RPS25: variants seen among roughly 807,000 people sequenced by gnomAD.
RPS25 encodes the protein ribosomal protein S25, also known as small ribosomal subunit protein eS25.
In RPS25, 1 loss-of-function variant was observed where a neutral mutation model predicts 14.4. That is an observed-to-expected ratio of 0.07 (90% CI 0.02 to 0.33). The LOEUF (loss-of-function observed/expected upper bound fraction) is 0.33, where lower values mean the gene tolerates loss of function less well. Ranked by LOEUF, RPS25 falls within the 10% of genes least tolerant of loss-of-function variation. The pLI, the probability that RPS25 is intolerant of heterozygous loss-of-function variation, is 1.00. For synonymous variants in RPS25, 63 were observed against 53.8 expected, an observed-to-expected ratio of 1.17 and a Z score of -0.75; for missense variants, 65 against 144.6, an observed-to-expected ratio of 0.45 and a Z score of 2.82.
chr11:119,018,036 C>T lies in RPS25; in HGVS notation c.21G>A (p.Lys7=), dbSNP rs782583401. The change falls in exon 2 of 5, where the codon AAG becomes AAA. Residue 7 remains lysine (K), a synonymous_variant. Transcript: ENST00000527673. ...CCGACTTTCCAGCGTCCTTCTTCTTCTTGTCGTCCTTAGGCGGCTGTAGGA... is the reference window on the plus strand; with the variant it reads ...CCGACTTTCCAGCGTCCTTCTTCTTTTTGTCGTCCTTAGGCGGCTGTAGGA... The part of the protein sequence containing the change: MPPKDD[K]KKKDAGKSAK... 2.5e-6 allele frequency: 4 copies of T among 1,612,330 alleles called. No individual in the cohort carries two copies. The highest frequency in any genetic ancestry group is 3.3e-5 in the Admixed American group (2 of 60,022).
At position 119,015,724 on chromosome 11, in the gene RPS25, A is replaced by C; in HGVS notation, c.*39T>G. 1 of 1,295,666 alleles carries C rather than the reference A, an allele frequency of 7.7e-7. No homozygotes were observed. Among genetic ancestry groups the C allele is most frequent in the Non-Finnish European group, 1.1e-6 (1 of 912,084 alleles). The allele number at this position is 1,295,666 out of a possible 1,614,324, so 80.3% of individuals were successfully genotyped here. ...ACATACTCATTCATTTGATTTAATA[A>C]AGTTTTATTTTTCCAAATGTACAGC... On this transcript the variant is annotated 3_prime_UTR_variant, in exon 5 of 5. Coordinates refer to ENST00000527673, the MANE Select transcript of RPS25 (RefSeq NM_001028.3).
In RPS25 at chr11:119,018,272, T is replaced by C; in HGVS notation, c.3+10A>G. On this transcript the variant is annotated intron_variant, in intron 1 of 4. Transcript: ENST00000527673. ...AAGAACGCCGGCGACTTCACACCCC[T>C]GAAGCTTACCATTGCGAAGCTCGGA... 2 of 1,614,046 alleles carry C rather than the reference T, an allele frequency of 1.2e-6. No homozygotes were observed. Among genetic ancestry groups the C allele is most frequent in the Non-Finnish European group, 1.7e-6 (2 of 1,179,962 alleles).
chr11:119,018,195 C>A lies in RPS25; in HGVS notation c.3+87G>T, dbSNP rs1943213158. 2.5e-6 allele frequency: 4 copies of A among 1,602,186 alleles called. No homozygotes were observed. In the East Asian group the frequency reaches 6.7e-5, roughly 27 times the overall value. On this transcript the variant is annotated intron_variant, in intron 1 of 4. Coordinates refer to ENST00000527673, the MANE Select transcript of RPS25 (RefSeq NM_001028.3). ...GCGCCCGCCCTGCAACCGAGGCCGG[C>A]AGGCCAAGGAGCGCTCCCGCCGAAG...
At chr11:119,016,868 C>T (rs927451227) in intron 3 of RPS25, among the ~76,000 whole-genome samples, 1 of 151,864 alleles carries the variant, frequency 6.6e-6, no homozygotes. Flanking sequence ...TTGATTCACC[C>T]GCCTTGGCCT....
At chr11:119,017,570 C>T (rs781878480) in intron 2 of RPS25, 25 bp from the exon 3 acceptor site, 1 of 1,600,866 alleles carries the variant, frequency 6.2e-7, no homozygotes, top group Admixed American at 1.7e-5. Context: ...AAAACAGAAA[C>T]AAGTTAGTAT....
intron 3 of RPS25, among the ~76,000 whole-genome samples, chr11:119,016,639 C>G (rs545655106): frequency 3.3e-5 from 5 of 151,330 alleles, no homozygotes; most frequent in Admixed American, 6.6e-5. Context: ...CTTCCACCCC[C>G]CCCCCCTTTC....
intron 3 of RPS25, 107 bp from the exon 4 acceptor site, chr11:119,016,046 G>A: frequency 1.5e-6 from 1 of 684,660 alleles, no homozygotes; most frequent in Middle Eastern, 2.5e-4. Flanking sequence ...CCACTGCTTT[G>A]GGAGGTGGAG....
chr11:119,017,745 T>C (rs990755312), intron 2 of RPS25, 200 bp from the exon 3 acceptor site: 2 of 669,250 alleles, frequency 3.0e-6, no homozygotes, highest in African/African-American at 3.7e-5. Context: ...CAGTTAAAAA[T>C]AACACAGCAG....
intron 2 of RPS25, 195 bp downstream of exon 2, chr11:119,017,763 G>C: frequency 1.5e-6 from 1 of 660,680 alleles, no homozygotes; most frequent in East Asian, 2.7e-5. Context: ...CAGGCACAGC[G>C]GCAGACACTT....
At chr11:119,016,659 C>A (rs1205598611) in intron 3 of RPS25, among the ~76,000 whole-genome samples, 1 of 138,726 alleles carries the variant, frequency 7.2e-6, no homozygotes, top group Admixed American at 7.3e-5. Flanking sequence ...CTGAGACAGT[C>A]TTTTGCTGTC....
intron 3 of RPS25, among the ~76,000 whole-genome samples, chr11:119,016,847 C>T (rs1456997981): frequency 6.6e-6 from 1 of 152,104 alleles, no homozygotes; most frequent in South Asian, 2.1e-4. Flanking sequence ...GTCTTTAACT[C>T]CTGACCTCCG....
Position 119,018,266 on chromosome 11 carries a change from C to T in RPS25, c.3+16G>A, listed in dbSNP as rs373510280. On this transcript the variant is annotated intron_variant, in intron 1 of 4. Transcript: ENST00000527673. ...AAACCCAAGAACGCCGGCGACTTCA[C>T]ACCCCTGAAGCTTACCATTGCGAAG... The T allele has an allele frequency of 5.3e-5, 85 of 1,614,034 alleles. No homozygotes were observed. The highest frequency in any genetic ancestry group is 5.8e-5 in the Non-Finnish European group (68 of 1,179,990).
At chr11:119,017,587 CAGA>C (rs1943192847) in intron 2 of RPS25, 42 bp from the exon 3 acceptor site, 1 of 1,546,574 alleles carries the variant, frequency 6.5e-7, no homozygotes, top group Middle Eastern at 1.7e-4. Flanking sequence ...GTATTTCTGG[CAGA>C]AGCACCCTTT....
chr11:119,018,315 G>A lies in RPS25; in HGVS notation c.-31C>T, dbSNP rs190711281. ...AGCTCGGAGAATAGCAGCAGACACC[G>A]CAGCCTCGTCAAGATGTCGGACAAA... On this transcript the variant is annotated 5_prime_UTR_variant, in exon 1 of 5. Transcript: ENST00000527673. 96 of 1,614,078 alleles carry A rather than the reference G, an allele frequency of 5.9e-5. 1 individual carries two copies. The South Asian group carries it at 8.2e-4, about 14-fold the overall frequency.
At chr11:119,016,203 C>T (rs1449393466) in intron 3 of RPS25, among the ~76,000 whole-genome samples, 3 of 152,130 alleles carry the variant, frequency 2.0e-5, no homozygotes, top group Non-Finnish European at 2.9e-5. Context: ...TGAGGACCAC[C>T]TGAACCCAGG....
At chr11:119,017,824 G>A in intron 2 of RPS25, 134 bp downstream of exon 2, 2 of 758,508 alleles carry the variant, frequency 2.6e-6, no homozygotes, top group Non-Finnish European at 4.5e-6. Context: ...AACGAGTGGT[G>A]ACGGGAAGAT....
intron 4 of RPS25, 23 bp from the exon 5 acceptor site, chr11:119,015,781 T>C: frequency 1.5e-6 from 2 of 1,346,438 alleles, no homozygotes; most frequent in Non-Finnish European, 2.1e-6. Flanking sequence ...ATTAAAAGAA[T>C]CAGAACCATA....
At chr11:119,017,629 T>C in intron 2 of RPS25, 84 bp from the exon 3 acceptor site, 1 of 1,206,148 alleles carries the variant, frequency 8.3e-7, no homozygotes, top group Non-Finnish European at 1.2e-6. Context: ...GTCAGAGAAA[T>C]CTGTTCCACC....
intron 3 of RPS25, 23 bp from the exon 4 acceptor site, chr11:119,015,962 T>C: frequency 3.6e-6 from 5 of 1,398,892 alleles, no homozygotes; most frequent in East Asian, 2.3e-5. Context: ...AATAGCACGA[T>C]GAGATGCTTA....
Sources: gnomAD v4.1 joint callset for allele counts (sites outside exome capture counted in the v4.1 genomes callset) on GRCh38, gnomAD v4.1.1 for gene constraint, MANE v1.5 for transcripts, NCBI Gene and HGNC (gene_info 2026-07-23, HGNC 2026-07-21) for gene names.